FUT9: variants seen among roughly 807,000 people sequenced by gnomAD.
FUT9 encodes fucosyltransferase 9.
FUT9 carries 15 observed loss-of-function variants against 29.7 expected under a neutral mutation model. The ratio of observed to expected loss-of-function variants is 0.51; its 90% CI spans 0.34 to 0.78. The LOEUF (loss-of-function observed/expected upper bound fraction) is 0.78, where lower values mean the gene tolerates loss of function less well. Among genes scored for constraint, FUT9 ranks in the 30% least tolerant of loss-of-function variants. The pLI, the probability that FUT9 is intolerant of heterozygous loss-of-function variation, is 0.01. For synonymous variants in FUT9, 169 were observed against 153.7 expected (o/e 1.10, Z -0.74); for missense variants, 319 against 425.4 (o/e 0.75, Z 2.20).
At chr6:96,141,900 G>A (rs531328566) in intron 2 of FUT9, among the ~76,000 whole-genome samples, 1 of 152,166 alleles carries the variant, frequency 6.6e-6, no homozygotes, top group South Asian at 2.1e-4. Flanking sequence ...CTCTCTTCTT[G>A]TCTGCTGTGT....
In FUT9 at chr6:96,206,795, A is replaced by G. The variant is rs1773838333; in HGVS notation, c.*2560A>G. ...TTTTTTGAAGGCAGAAAAACATTCA[A>G]TATTAAAAGCATTCAATATTATTTC... On this transcript the variant is annotated 3_prime_UTR_variant, in exon 3 of 3. Transcript: ENST00000302103. The G allele has an allele frequency of 6.0e-6, 1 of 167,012 alleles. No homozygotes were observed. The highest frequency in any genetic ancestry group is 1.5e-5 in the Non-Finnish European group (1 of 68,112). The allele number at this position is 167,012 out of a possible 1,614,324, so 10.3% of individuals were successfully genotyped here. A position where few individuals can be genotyped will look rare whatever the true frequency, so the allele number is the denominator to read the frequency against.
At chr6:96,061,308 C>T (rs1770871366) in intron 1 of FUT9, among the ~76,000 whole-genome samples, 1 of 43,652 alleles carries the variant, frequency 2.3e-5, no homozygotes, top group African/African-American at 7.6e-5. Flanking sequence ...ACTTCTTAGG[C>T]TCTGTTCTCT....
chr6:96,057,584 T>C (rs1770794149), intron 1 of FUT9, among the ~76,000 whole-genome samples: 1 of 152,224 alleles, frequency 6.6e-6, no homozygotes, highest in African/African-American at 2.4e-5. Context: ...TTTTTAAAGT[T>C]CTAAATTGCT....
In FUT9 at chr6:96,156,842, T is replaced by C. The variant is rs1328656149; in HGVS notation, c.-9+42715T>C. On this transcript the variant is annotated intron_variant, in intron 2 of 2. Coordinates refer to ENST00000302103, the MANE Select transcript of FUT9 (RefSeq NM_006581.4). ...AAATCCAGTTCTTACAAGGTATAAA[T>C]GAAATATCTCCTTTTTAATGTGTGC... Among the ~76,000 whole-genome samples the C allele has an allele frequency of 8.5e-5, 13 of 152,200 alleles. 1 individual carries two copies. The East Asian group carries it at 2.3e-3, about 27-fold the overall frequency.
intron 1 of FUT9, among the ~76,000 whole-genome samples, chr6:96,040,094 A>G (rs1202167890): frequency 6.6e-6 from 1 of 152,176 alleles, no homozygotes; most frequent in Non-Finnish European, 1.5e-5. Flanking sequence ...ATGACATTAT[A>G]TAAAATTTTT....
chr6:96,196,958 A>G (rs992259658), intron 2 of FUT9, among the ~76,000 whole-genome samples: 1 of 152,088 alleles, frequency 6.6e-6, no homozygotes, highest in Non-Finnish European at 1.5e-5. Context: ...TTGGAGGAAA[A>G]GGGTTCTTGT....
At chr6:96,053,422 T>G (rs1770707840) in intron 1 of FUT9, among the ~76,000 whole-genome samples, 2 of 151,978 alleles carry the variant, frequency 1.3e-5, no homozygotes. Context: ...GAAAATAAAT[T>G]TATAGGCCTG....
chr6:96,197,524 T>C (rs1246058009), intron 2 of FUT9, among the ~76,000 whole-genome samples: 1 of 152,202 alleles, frequency 6.6e-6, no homozygotes, highest in South Asian at 2.1e-4. Context: ...TATGAATTTA[T>C]CTTGAAGATC....
intron 1 of FUT9, among the ~76,000 whole-genome samples, chr6:96,108,091 C>G (rs1363316870): frequency 4.0e-5 from 6 of 151,720 alleles, no homozygotes; most frequent in Non-Finnish European, 5.9e-5. Context: ...AAGAAATGTC[C>G]ATTATTTCCC....
chr6:96,070,064 T>C (rs1300420373), intron 1 of FUT9, among the ~76,000 whole-genome samples: 1 of 152,200 alleles, frequency 6.6e-6, no homozygotes, highest in Non-Finnish European at 1.5e-5. Flanking sequence ...CAATAGTGAA[T>C]GAATTACAGA....
intron 1 of FUT9, among the ~76,000 whole-genome samples, chr6:96,065,156 C>G (rs928036535): frequency 2.6e-5 from 4 of 152,054 alleles, no homozygotes; most frequent in African/African-American, 4.8e-5. Flanking sequence ...TTCTTCCTGT[C>G]TAGGTAGACT....
chr6:96,096,303 C>T (rs1771494122), intron 1 of FUT9, among the ~76,000 whole-genome samples: 1 of 152,040 alleles, frequency 6.6e-6, no homozygotes, highest in Admixed American at 6.6e-5. Context: ...TACTTCTCAC[C>T]TCAATCATTC....
intron 2 of FUT9, among the ~76,000 whole-genome samples, chr6:96,125,147 G>A (rs975954731): frequency 1.4e-4 from 21 of 152,196 alleles, no homozygotes; most frequent in African/African-American, 5.1e-4. Context: ...ATGATGTAAA[G>A]AAATCATGTA....
intron 1 of FUT9, among the ~76,000 whole-genome samples, chr6:96,049,704 C>A (rs143601321): frequency 4.7e-4 from 71 of 152,282 alleles, no homozygotes; most frequent in African/African-American, 1.7e-3. Context: ...GACTTTTCCT[C>A]CTCTTTAGAC....
At chr6:96,202,312 ATTTG>A (rs1773740019) in intron 2 of FUT9, among the ~76,000 whole-genome samples, 2 of 152,096 alleles carry the variant, frequency 1.3e-5, no homozygotes, top group African/African-American at 4.8e-5. Context: ...TTTTTTGAGA[ATTTG>A]TTTATTTTTA....
intron 1 of FUT9, chr6:96,037,014 C>G (rs55700384): frequency 6.6e-6 from 1 of 151,764 alleles, no homozygotes; most frequent in African/African-American, 2.4e-5. Flanking sequence ...AACTAGAAAG[C>G]TAGAGGCCTT....
chr6:96,086,459 G>A (rs1771318566), intron 1 of FUT9, among the ~76,000 whole-genome samples: 1 of 152,024 alleles, frequency 6.6e-6, no homozygotes, highest in Non-Finnish European at 1.5e-5. Context: ...TTGATATAGT[G>A]AATCAACTCA....
intron 1 of FUT9, among the ~76,000 whole-genome samples, chr6:96,102,539 C>T (rs969702876): frequency 2.0e-5 from 3 of 152,118 alleles, no homozygotes; most frequent in African/African-American, 7.2e-5. Context: ...TCTCTCAAAG[C>T]TGACCCAAAT....
At chr6:96,122,441 A>G (rs1380149189) in intron 2 of FUT9, among the ~76,000 whole-genome samples, 1 of 152,162 alleles carries the variant, frequency 6.6e-6, no homozygotes, top group African/African-American at 2.4e-5. Context: ...TAAAAGGTCA[A>G]TCCAGTCAGA....
Sources: allele counts gnomAD v4.1 joint callset (sites outside exome capture counted in the v4.1 genomes callset), GRCh38; gene constraint gnomAD v4.1.1; transcripts MANE v1.5; gene names NCBI Gene and HGNC (gene_info 2026-07-23, HGNC 2026-07-21).